CLIC5: variants seen among roughly 807,000 people sequenced by gnomAD.
The protein encoded by CLIC5 is CLIC family member 5, also known as chloride intracellular channel protein 5.
CLIC5 carries 20 observed loss-of-function variants against 24.7 expected under a neutral mutation model. The ratio of observed to expected loss-of-function variants is 0.81; its 90% confidence interval spans 0.57 to 1.18. The LOEUF (loss-of-function observed/expected upper bound fraction) is 1.18. CLIC5 is among the 50% of genes most tolerant of loss of function. The pLI is 0.00. For missense variants in CLIC5, 341 were observed against 326.1 expected, an observed-to-expected ratio of 1.05 and a Z score of -0.35; for synonymous variants, 159 against 135.6, an observed-to-expected ratio of 1.17 and a Z score of -1.20.
At chr6:45,888,439 GA>G (rs977831604) in intron 6 of CLIC5, among the ~76,000 whole-genome samples, 6 of 152,228 alleles carry the variant, frequency 3.9e-5, no homozygotes, top group East Asian at 3.9e-4. Context: ...ACCACCTGGG[GA>G]AAAAATTCAT....
chr6:45,952,417 C>T (rs547554626), intron 2 of CLIC5, among the ~76,000 whole-genome samples: 36 of 152,168 alleles, frequency 2.4e-4, no homozygotes, highest in Non-Finnish European at 3.8e-4. Flanking sequence ...CAACATGCAA[C>T]GAGTTCTTGC....
At chr6:46,122,343 C>G in the CLIC5 span, among the ~76,000 whole-genome samples, 1 of 152,112 alleles carries the variant, frequency 6.6e-6, no homozygotes, top group South Asian at 2.1e-4. Flanking sequence ...GGGTACATAA[C>G]AAAATGAAGA....
rs578260631 is a variant in CLIC5 at position 46,015,114 on chromosome 6, G to C, written c.63+366C>G. Among the ~76,000 whole-genome samples, 46 of 152,346 alleles carry C rather than the reference G, an allele frequency of 3.0e-4. 2 individuals carry two copies. The South Asian group carries it at 9.3e-3, about 31-fold the overall frequency. The stretch of plus-strand genomic sequence containing the variant: ...CCCCCTCCTCCCGTTTTAAAGGAAA[G>C]GTTCACGGGTCCAGCCAGGTTTCTG... On this transcript the variant is annotated intron_variant, in intron 1 of 5. Coordinates refer to ENST00000339561, the MANE Select transcript of CLIC5 (RefSeq NM_016929.5).
At chr6:45,978,431 G>A (rs1196103061) in intron 1 of CLIC5, among the ~76,000 whole-genome samples, 1 of 152,182 alleles carries the variant, frequency 6.6e-6, no homozygotes, top group African/African-American at 2.4e-5. Flanking sequence ...AAATATTTCA[G>A]TGAAGGTCTA....
chr6:46,115,697 C>T, the CLIC5 span, among the ~76,000 whole-genome samples: 2 of 152,140 alleles, frequency 1.3e-5, no homozygotes, highest in Non-Finnish European at 2.9e-5. Flanking sequence ...AACAAGTAGA[C>T]CCTTTATTTT....
At chr6:45,953,084 T>C (rs775021626) in intron 2 of CLIC5, among the ~76,000 whole-genome samples, 1 of 152,148 alleles carries the variant, frequency 6.6e-6, no homozygotes, top group Non-Finnish European at 1.5e-5. Context: ...ACTGAGGTAT[T>C]ATGAAGAGCA....
chr6:46,011,447 A>G (rs1766806360), intron 1 of CLIC5, among the ~76,000 whole-genome samples: 1 of 152,158 alleles, frequency 6.6e-6, no homozygotes, highest in Admixed American at 6.5e-5. Flanking sequence ...ATATGAAAAT[A>G]TTGTTTCAGG....
chr6:46,015,228 C>T (rs1317693202), intron 1 of CLIC5, among the ~76,000 whole-genome samples: 3 of 152,186 alleles, frequency 2.0e-5, no homozygotes, highest in Non-Finnish European at 4.4e-5. Flanking sequence ...GCGGTGACAG[C>T]GGAGGCGGGG....
intron 1 of CLIC5, among the ~76,000 whole-genome samples, chr6:45,960,455 T>G (rs1027354201): frequency 1.3e-5 from 2 of 152,190 alleles, no homozygotes; most frequent in African/African-American, 4.8e-5. Context: ...CAGGGAGAAC[T>G]AGAGGGGCAC....
At chr6:46,120,660 T>A in the CLIC5 span, among the ~76,000 whole-genome samples, 1 of 151,928 alleles carries the variant, frequency 6.6e-6, no homozygotes, top group Non-Finnish European at 1.5e-5. Context: ...TACGAACCCA[T>A]CATAAAGAAG....
At chr6:45,924,032 A>C (rs1763378672) in intron 4 of CLIC5, among the ~76,000 whole-genome samples, 1 of 152,232 alleles carries the variant, frequency 6.6e-6, no homozygotes, top group Non-Finnish European at 1.5e-5. Flanking sequence ...TGCTGTAAGC[A>C]GTTGTTATGT....
chr6:46,084,167 GTC>G (rs1044597563), upstream of CLIC5, among the ~76,000 whole-genome samples: 1 of 151,970 alleles, frequency 6.6e-6, no homozygotes, highest in African/African-American at 2.4e-5. Flanking sequence ...GCCTATGTAT[GTC>G]TCTGCATGTG....
At chr6:46,113,102 T>C in the CLIC5 span, among the ~76,000 whole-genome samples, 15 of 151,918 alleles carry the variant, frequency 9.9e-5, no homozygotes, top group Admixed American at 9.8e-4. Context: ...TTGTTAAGGA[T>C]GATGTATATG....
chr6:46,050,314 G>T (rs942231454), intron 1 of CLIC5, among the ~76,000 whole-genome samples: 1 of 152,128 alleles, frequency 6.6e-6, no homozygotes, highest in Non-Finnish European at 1.5e-5. Context: ...CTCTGGTTCT[G>T]CTTATTTGGT....
intron 3 of CLIC5, 123 bp from the exon 4 acceptor site, chr6:45,941,776 G>A (rs1472034197): frequency 2.6e-6 from 2 of 781,978 alleles, no homozygotes; most frequent in Non-Finnish European, 4.4e-6. Flanking sequence ...TGTTTTGGGG[G>A]TCTTTATCCT....
chr6:45,951,977 C>T (rs1047207379), intron 2 of CLIC5, among the ~76,000 whole-genome samples: 2 of 152,102 alleles, frequency 1.3e-5, no homozygotes, highest in African/African-American at 4.8e-5. Context: ...TTACTTAGTC[C>T]CTTTATTTAC....
At chr6:45,955,314 C>T (rs1764608058) in intron 1 of CLIC5, 70 bp from the exon 2 acceptor site, 3 of 1,119,016 alleles carry the variant, frequency 2.7e-6, no homozygotes, top group Admixed American at 3.8e-5. Context: ...GATTGTAACA[C>T]CCAAATGCAG....
At chr6:46,008,904 T>C (rs1766698429) in intron 1 of CLIC5, among the ~76,000 whole-genome samples, 1 of 152,106 alleles carries the variant, frequency 6.6e-6, no homozygotes, top group East Asian at 1.9e-4. Flanking sequence ...CTTTTGATGC[T>C]CCACTGAGTA....
At chr6:46,092,155 T>C in the CLIC5 span, among the ~76,000 whole-genome samples, 24 of 152,204 alleles carry the variant, frequency 1.6e-4, no homozygotes, top group Non-Finnish European at 2.6e-4. Context: ...CCTGAGGAAA[T>C]TGAGTTTTGG....
Sources: allele counts gnomAD v4.1 joint callset (sites outside exome capture counted in the v4.1 genomes callset), GRCh38; gene constraint gnomAD v4.1.1; transcripts MANE v1.5; gene names NCBI Gene and HGNC (gene_info 2026-07-23, HGNC 2026-07-21).